Variants in KDM4C observed in about 807,000 individuals in gnomAD.
The protein encoded by KDM4C is lysine demethylase 4C.
KDM4C carries 81 observed loss-of-function variants against 129.3 expected under a neutral mutation model. The ratio of observed to expected loss-of-function variants is 0.63; its 90% CI spans 0.52 to 0.75. The LOEUF is 0.75. KDM4C is among the 30% of genes least tolerant of loss of function. KDM4C has a pLI of 0.00. For synonymous variants in KDM4C, 573 were observed against 456.1 expected (o/e 1.26, Z -3.26); for missense variants, 1,457 against 1,304.0 (o/e 1.12, Z -1.81).
intron 19 of KDM4C, among the ~76,000 whole-genome samples, chr9:7,158,980 C>G (rs10976075): frequency 0.16 from 24,854 of 152,108 alleles, 2,709 homozygotes; most frequent in Non-Finnish European, 0.22. Flanking sequence ...GAGTCTAAGT[C>G]TCTTTGTAGT....
At chr9:6,820,396 G>A (rs1020587474) in intron 4 of KDM4C, among the ~76,000 whole-genome samples, 1 of 152,152 alleles carries the variant, frequency 6.6e-6, no homozygotes, top group African/African-American at 2.4e-5. Context: ...AGGAGGGTGA[G>A]GAAAAACTCG....
intron 2 of KDM4C, among the ~76,000 whole-genome samples, chr9:6,800,060 CA>C (rs914003108): frequency 6.2e-5 from 9 of 145,004 alleles, no homozygotes; most frequent in Admixed American, 1.4e-4. Flanking sequence ...ACATCTTTTC[CA>C]AAAAAAAAAT....
intron 17 of KDM4C, among the ~76,000 whole-genome samples, chr9:7,098,729 CCTT>C (rs1836735237): frequency 6.6e-6 from 1 of 152,188 alleles, no homozygotes; most frequent in East Asian, 1.9e-4. Flanking sequence ...TCTCTCTTCT[CCTT>C]CTGAATCTCA....
intron 1 of KDM4C, among the ~76,000 whole-genome samples, chr9:6,764,951 A>G (rs188163703): frequency 5.3e-5 from 8 of 152,282 alleles, no homozygotes; most frequent in African/African-American, 1.7e-4. Flanking sequence ...GAGTTATCCA[A>G]CACTTCATGG....
intron 20 of KDM4C, among the ~76,000 whole-genome samples, chr9:7,166,556 C>T (rs1165311477): frequency 6.6e-6 from 1 of 152,076 alleles, no homozygotes; most frequent in Non-Finnish European, 1.5e-5. Context: ...AGTAAAGGTA[C>T]TGGAGCTTCA....
At chr9:6,906,132 T>G (rs1037423247) in intron 8 of KDM4C, among the ~76,000 whole-genome samples, 1 of 152,170 alleles carries the variant, frequency 6.6e-6, no homozygotes, top group Non-Finnish European at 1.5e-5. Flanking sequence ...AGGGCACATG[T>G]CAAGTTTAGT....
chr9:7,101,360 C>G (rs2133130779), intron 17 of KDM4C, among the ~76,000 whole-genome samples: 1 of 152,206 alleles, frequency 6.6e-6, no homozygotes, highest in East Asian at 1.9e-4. Flanking sequence ...ATTTTAGCAA[C>G]AAACAAATGA....
intron 17 of KDM4C, among the ~76,000 whole-genome samples, chr9:7,080,213 A>G (rs563284094): frequency 2.6e-5 from 4 of 152,238 alleles, no homozygotes; most frequent in African/African-American, 9.6e-5. Context: ...AGTGAAATAT[A>G]TTACTCTCAG....
At chr9:6,790,687 A>T (rs1330902597) in intron 1 of KDM4C, among the ~76,000 whole-genome samples, 3 of 144,420 alleles carry the variant, frequency 2.1e-5, no homozygotes, top group Admixed American at 6.9e-5. Context: ...AAAAAAGAGG[A>T]AAACTTTTTT....
chr9:6,975,173 T>C (rs1028728004), intron 8 of KDM4C, among the ~76,000 whole-genome samples: 2 of 152,194 alleles, frequency 1.3e-5, no homozygotes, highest in Admixed American at 6.5e-5. Context: ...CCTGCAAATA[T>C]TCCAGAGAAA....
At chr9:6,967,150 A>G (rs1313402208) in intron 8 of KDM4C, among the ~76,000 whole-genome samples, 1 of 152,080 alleles carries the variant, frequency 6.6e-6, no homozygotes, top group Non-Finnish European at 1.5e-5. Flanking sequence ...CTGGCCGGGC[A>G]TGGTGGCTCA....
chr9:6,746,880 C>T (rs972880701), intron 1 of KDM4C, among the ~76,000 whole-genome samples: 1 of 150,798 alleles, frequency 6.6e-6, no homozygotes, highest in African/African-American at 2.4e-5. Flanking sequence ...GTGGCGGGCA[C>T]CTGTAGTCCC....
At position 6,806,878 on chromosome 9, in the gene KDM4C, G is replaced by GTCTCCCTCTCCCTCTCCCTCTCCC. The variant is rs763666519; in HGVS notation, c.320+1122_320+1145dup. On this transcript the variant is annotated intron_variant, in intron 3 of 21. Transcript: ENST00000381309. ...ACTGTTGCTCTCCCTCTCCGTCTCC[G>GTCTCCCTCTCCCTCTCCCTCTCCC]TCTCCCTCTCCCTCTCCCTCTCCCT... Among the ~76,000 whole-genome samples the GTCTCCCTCTCCCTCTCCCTCTCCC allele has an allele frequency of 7.5e-4, 105 of 139,462 alleles. 2 individuals are homozygous for GTCTCCCTCTCCCTCTCCCTCTCCC. Among genetic ancestry groups the GTCTCCCTCTCCCTCTCCCTCTCCC allele is most frequent in the African/African-American group, 3.1e-3 (99 of 32,146 alleles). The allele number at this position is 139,462 out of a possible 152,430, so 91.5% of individuals were successfully genotyped here.
chr9:7,029,881 T>G (rs1040007648), intron 15 of KDM4C, among the ~76,000 whole-genome samples: 3 of 152,226 alleles, frequency 2.0e-5, no homozygotes, highest in Admixed American at 2.0e-4. Context: ...CATGGCAGCA[T>G]TAAGCCTATG....
intron 15 of KDM4C, among the ~76,000 whole-genome samples, chr9:7,031,485 A>C (rs1826759017): frequency 6.6e-6 from 1 of 152,098 alleles, no homozygotes; most frequent in South Asian, 2.1e-4. Context: ...TTGTAGTAAC[A>C]ATTAGATATA....
intron 3 of KDM4C, 125 bp downstream of exon 3, chr9:6,805,899 C>T (rs1358470125): frequency 1.3e-6 from 1 of 774,672 alleles, no homozygotes; most frequent in Non-Finnish European, 2.0e-6. Flanking sequence ...TTTCACCCTT[C>T]ATTGAACTGT....
At chr9:6,972,987 G>T (rs947294345) in intron 8 of KDM4C, among the ~76,000 whole-genome samples, 1 of 152,070 alleles carries the variant, frequency 6.6e-6, no homozygotes, top group Non-Finnish European at 1.5e-5. Flanking sequence ...ACTAATAACA[G>T]AGAAAATATA....
intron 5 of KDM4C, among the ~76,000 whole-genome samples, chr9:6,872,733 T>G (rs1842965373): frequency 6.6e-6 from 1 of 152,164 alleles, no homozygotes; most frequent in African/African-American, 2.4e-5. Flanking sequence ...AAAATATTCC[T>G]CCATCCCTTT....
chr9:7,103,840 A>T lies in KDM4C; in HGVS notation c.2580A>T (p.Thr860=), dbSNP rs1339753163. Residue 860 remains threonine, a synonymous_variant, in exon 18 of 22, where the codon ACA becomes ACT. Transcript: ENST00000381309. ...ACTGGCCTTATGTGGTGAACATTAC[A>T]TGCTTTCGACATAAGGTCAACCCCA... is the stretch of plus-strand genomic sequence containing the variant. ...PDDWPYVVNI[T]CFRHKVNPNV... 3 of 1,613,848 alleles carry T rather than the reference A, an allele frequency of 1.9e-6. No individual in the cohort carries two copies. In the African/African-American group the frequency reaches 4.0e-5, roughly 22 times the overall value.
Sources: gnomAD v4.1 joint callset for allele counts (sites outside exome capture counted in the v4.1 genomes callset) on GRCh38, gnomAD v4.1.1 for gene constraint, MANE v1.5 for transcripts, NCBI Gene and HGNC (gene_info 2026-07-23, HGNC 2026-07-21) for gene names.